The following RBFOX3 variants were observed in gnomAD, a reference collection of about 807,000 sequenced individuals.
The protein encoded by RBFOX3 is RNA binding protein fox-1 homolog 3.
A neutral mutation model predicts 48.7 loss-of-function variants in RBFOX3; 17 were observed. The ratio of observed to expected loss-of-function variants is 0.35; its 90% CI spans 0.24 to 0.52. The LOEUF (loss-of-function observed/expected upper bound fraction) is 0.52, where lower values mean the gene tolerates loss of function less well. RBFOX3 is among the 20% of genes least tolerant of loss of function. The pLI is 0.94. For missense variants in RBFOX3, 382 were observed against 497.5 expected (o/e 0.77, Z 2.21); for synonymous variants, 212 against 209.5 (o/e 1.01, Z -0.10).
chr17:79,284,440 A>G (rs1034283131), intron 3 of RBFOX3, among the ~76,000 whole-genome samples: 3 of 152,100 alleles, frequency 2.0e-5, no homozygotes, highest in African/African-American at 7.3e-5. Flanking sequence ...CATAAAAAAT[A>G]GGGAGGAGAG....
In RBFOX3 at chr17:79,471,876, G is replaced by A. The variant is rs1447565684; in HGVS notation, c.-175+10578C>T. ...GTCGAGGGAGAACACTTCAAGAGAG[G>A]CGACTAAATCTCCACCAAGCACATT... On this transcript the variant is annotated intron_variant, in intron 2 of 14. Coordinates refer to ENST00000693108, the MANE Select transcript of RBFOX3 (RefSeq NM_001350451.2). The surrounding 1 kb of genome is among the most constrained non-coding windows in gnomAD (Gnocchi z 4.0). Among the ~76,000 whole-genome samples, 1 of 152,148 alleles carries A rather than the reference G, an allele frequency of 6.6e-6. No homozygotes were observed. The highest frequency in any genetic ancestry group is 1.5e-5 in the Non-Finnish European group (1 of 68,030).
chr17:79,554,353 C>G (rs1220053608), intron 1 of RBFOX3, among the ~76,000 whole-genome samples: 1,420 of 87,776 alleles, frequency 0.016, 7 homozygotes, highest in Middle Eastern at 0.046. Context: ...AGTCACCCCT[C>G]ACCTGGCCCT....
chr17:79,375,145 G>A (rs1480833127), intron 2 of RBFOX3, among the ~76,000 whole-genome samples: 4 of 152,162 alleles, frequency 2.6e-5, no homozygotes, highest in Admixed American at 6.5e-5. Context: ...GCAGGAACAC[G>A]GTCCTCCTAA....
At chr17:79,106,458 G>A (rs1001512542) in intron 6 of RBFOX3, among the ~76,000 whole-genome samples, 193 bp downstream of exon 6, 5 of 151,866 alleles carry the variant, frequency 3.3e-5, no homozygotes, top group African/African-American at 4.8e-5. Context: ...CCCCGCCACC[G>A]TCCCAGCAGG....
intron 2 of RBFOX3, among the ~76,000 whole-genome samples, chr17:79,317,932 G>A (rs2077764476): frequency 1.3e-5 from 2 of 151,986 alleles, no homozygotes; most frequent in South Asian, 2.1e-4. Flanking sequence ...TTGAGTTGTC[G>A]GTTTCATGAT....
At chr17:79,112,904 C>CGGGGGGGGGGGGG (rs1271126513) in intron 5 of RBFOX3, among the ~76,000 whole-genome samples, 1 of 10,362 alleles carries the variant, frequency 9.7e-5, no homozygotes. Context: ...AGCAGGCTCT[C>CGGGGGGGGGGGGG]GGGGGGGGGG....
rs543861698 is a variant in RBFOX3 at position 79,435,342 on chromosome 17, G to C, written c.-175+47112C>G. On this transcript the variant is annotated intron_variant, in intron 2 of 14. Transcript: ENST00000693108. ...AAGGTACCTGCTTATGCTTTAAAGG[G>C]GGGAGAAGGAAGAAAGCTCATGCCC... Among the ~76,000 whole-genome samples the C allele has an allele frequency of 5.6e-4, 86 of 152,308 alleles. 1 individual carries two copies. Among genetic ancestry groups the C allele is most frequent in the African/African-American group, 2.0e-3 (82 of 41,568 alleles).
At chr17:79,163,332 G>A (rs540798158) in intron 4 of RBFOX3, among the ~76,000 whole-genome samples, 3 of 152,360 alleles carry the variant, frequency 2.0e-5, no homozygotes, top group Admixed American at 1.3e-4. Context: ...TTCTGAGGGT[G>A]TCAAGAGGGG....
chr17:79,126,986 A>C, intron 4 of RBFOX3, among the ~76,000 whole-genome samples: 1 of 152,124 alleles, frequency 6.6e-6, no homozygotes, highest in Admixed American at 6.5e-5. Context: ...CCTCTCTAGT[A>C]TGTTTGGCTT....
intron 1 of RBFOX3, among the ~76,000 whole-genome samples, chr17:79,557,225 CAAAAAAAAAAAA>C (rs1167997833): frequency 1.2e-5 from 1 of 86,568 alleles, no homozygotes; most frequent in African/African-American, 4.9e-5. Context: ...GACACTGTCT[CAAAAAAAAAAAA>C]AAAAAAAAAA....
At chr17:79,194,153 G>A (rs915698111) in intron 4 of RBFOX3, among the ~76,000 whole-genome samples, 4 of 152,140 alleles carry the variant, frequency 2.6e-5, no homozygotes, top group African/African-American at 7.2e-5. Context: ...TTCACATGGC[G>A]CTGTCCTCGC....
intron 1 of RBFOX3, among the ~76,000 whole-genome samples, chr17:79,495,608 T>A (rs1197427845): frequency 2.4e-4 from 1 of 4,166 alleles, no homozygotes; most frequent in African/African-American, 9.5e-4. Flanking sequence ...GTACAGAGGG[T>A]GGGGAGGTGG....
chr17:79,097,214 C>T, intron 11 of RBFOX3, 78 bp downstream of exon 11: 1 of 1,279,446 alleles, frequency 7.8e-7, no homozygotes, highest in African/African-American at 1.5e-5. Flanking sequence ...GCCCCTCGCA[C>T]TGCGCAGGGC....
intron 2 of RBFOX3, among the ~76,000 whole-genome samples, chr17:79,439,790 G>GCA (rs550902274): frequency 1.6e-4 from 24 of 152,256 alleles, no homozygotes; most frequent in African/African-American, 4.3e-4. Flanking sequence ...ACACATACAT[G>GCA]CACACACACA....
chr17:79,594,603 C>T (rs1339894428), intron 1 of RBFOX3, among the ~76,000 whole-genome samples: 3 of 152,220 alleles, frequency 2.0e-5, no homozygotes, highest in Admixed American at 6.5e-5. Context: ...TGTTCCTGTC[C>T]CTGGGACTGC....
At chr17:79,536,416 C>T (rs1168215578) in intron 1 of RBFOX3, among the ~76,000 whole-genome samples, 1 of 152,228 alleles carries the variant, frequency 6.6e-6, no homozygotes, top group Admixed American at 6.5e-5. Flanking sequence ...CTTGTCTTGC[C>T]CTGCACAGGC....
At chr17:79,295,932 G>T (rs1196333294) in intron 3 of RBFOX3, among the ~76,000 whole-genome samples, 1 of 152,050 alleles carries the variant, frequency 6.6e-6, no homozygotes, top group Non-Finnish European at 1.5e-5. Context: ...TAATTGATGA[G>T]ACTTAAATAA....
intron 2 of RBFOX3, among the ~76,000 whole-genome samples, chr17:79,345,864 T>C (rs1289457595): frequency 6.6e-6 from 1 of 152,206 alleles, no homozygotes; most frequent in Non-Finnish European, 1.5e-5. Context: ...AATCTTTTTT[T>C]ATACTCATTT....
intron 14 of RBFOX3, among the ~76,000 whole-genome samples, chr17:79,093,791 C>CCACACACACA (rs60453390): frequency 0.011 from 1,649 of 143,890 alleles, 17 homozygotes; most frequent in Middle Eastern, 0.028. Flanking sequence ...CAACAGCTGG[C>CCACACACACA]CACACACACA....
Sources: allele counts gnomAD v4.1 joint callset (sites outside exome capture counted in the v4.1 genomes callset), GRCh38; gene constraint gnomAD v4.1.1; non-coding constraint Gnocchi (gnomAD v3.1); transcripts MANE v1.5; gene names NCBI Gene and HGNC (gene_info 2026-07-23, HGNC 2026-07-21).